Variants in SCHIP1 observed in about 807,000 individuals in gnomAD.
SCHIP1 encodes schwannomin interacting protein 1, also known as schwannomin-interacting protein 1.
SCHIP1 carries 8 observed loss-of-function variants against 29.7 expected under a neutral mutation model. The observed-to-expected ratio is 0.27, with a 90% CI of 0.16 to 0.49. The LOEUF (loss-of-function observed/expected upper bound fraction) is 0.49. Among genes scored for constraint, SCHIP1 ranks in the 20% least tolerant of loss-of-function variants. The pLI is 0.99. For synonymous variants in SCHIP1, 76 were observed against 94.9 expected, an observed-to-expected ratio of 0.80 and a Z score of 1.16; for missense variants, 193 against 294.6, an observed-to-expected ratio of 0.66 and a Z score of 2.52.
chr3:159,602,893 G>T, the SCHIP1 span, among the ~76,000 whole-genome samples: 2 of 152,120 alleles, frequency 1.3e-5, no homozygotes, highest in Non-Finnish European at 2.9e-5. Flanking sequence ...CACTTCCACA[G>T]ATACCACCTG....
chr3:159,736,524 A>T, the SCHIP1 span, among the ~76,000 whole-genome samples: 1 of 152,152 alleles, frequency 6.6e-6, no homozygotes, highest in African/African-American at 2.4e-5. Flanking sequence ...TTTCAGATGT[A>T]ATTCATTCAT....
the SCHIP1 span, among the ~76,000 whole-genome samples, chr3:159,677,574 A>G: frequency 1.3e-5 from 2 of 152,352 alleles, 1 homozygote; most frequent in South Asian, 4.1e-4. Flanking sequence ...TTAAGAGGAC[A>G]GATGATTTTA....
the SCHIP1 span, among the ~76,000 whole-genome samples, chr3:159,315,355 T>C: frequency 4.6e-5 from 7 of 150,816 alleles, no homozygotes; most frequent in African/African-American, 1.2e-4. Flanking sequence ...CCCACCACTA[T>C]GCCCGGCTAA....
At chr3:159,752,770 C>A in the SCHIP1 span, among the ~76,000 whole-genome samples, 9 of 152,138 alleles carry the variant, frequency 5.9e-5, no homozygotes, top group African/African-American at 2.2e-4. Flanking sequence ...GCAGGCCTCA[C>A]CTCCAAAGCT....
the SCHIP1 span, among the ~76,000 whole-genome samples, chr3:159,432,286 A>ATGTGTG: frequency 1.8e-4 from 19 of 108,158 alleles, no homozygotes; most frequent in East Asian, 2.1e-3. Flanking sequence ...AGAGTAGGTG[A>ATGTGTG]TGTGTGTGTG....
chr3:159,788,107 C>T, the SCHIP1 span, among the ~76,000 whole-genome samples: 1 of 152,170 alleles, frequency 6.6e-6, no homozygotes, highest in African/African-American at 2.4e-5. Context: ...GGAGACTAAG[C>T]TCTGCTGCTG....
At chr3:159,611,259 G>A in the SCHIP1 span, among the ~76,000 whole-genome samples, 1 of 152,110 alleles carries the variant, frequency 6.6e-6, no homozygotes, top group African/African-American at 2.4e-5. Context: ...CAGTTCTTAT[G>A]AATGTCAGAG....
chr3:159,283,487 T>G, the SCHIP1 span, among the ~76,000 whole-genome samples: 2 of 151,544 alleles, frequency 1.3e-5, no homozygotes, highest in Admixed American at 6.6e-5. Flanking sequence ...TGATTGTTCC[T>G]ATGTACATGG....
rs1717237412 is a variant in SCHIP1 at position 159,889,085 on chromosome 3, C to T, written c.589+142C>T. On this transcript the variant is annotated intron_variant, in intron 5 of 6. Coordinates refer to ENST00000445224, the Ensembl canonical transcript of SCHIP1. Reference sequence around the variant, plus strand: ...AGGAAAATAAGAGAATCACAAGGCTCTTTTTTGTTGCTGTTGTTTTAGCTG... The same window carrying T: ...AGGAAAATAAGAGAATCACAAGGCTTTTTTTTGTTGCTGTTGTTTTAGCTG... 1.5e-5 allele frequency: 18 copies of T among 1,203,502 alleles called. No homozygotes were observed. The South Asian group carries it at 3.2e-4, about 21-fold the overall frequency. 74.6% of individuals were successfully genotyped at this position (1,203,502 alleles called of 1,614,324 possible).
chr3:159,423,163 A>G, the SCHIP1 span, among the ~76,000 whole-genome samples: 27 of 152,326 alleles, frequency 1.8e-4, no homozygotes, highest in Middle Eastern at 3.4e-3. Context: ...TTTCCATCTG[A>G]GGTACCGGGT....
the SCHIP1 span, among the ~76,000 whole-genome samples, chr3:159,374,572 A>G: frequency 6.6e-6 from 1 of 152,218 alleles, no homozygotes; most frequent in Non-Finnish European, 1.5e-5. Flanking sequence ...ATGAGACATG[A>G]CAAAATCAAT....
chr3:159,407,465 T>C, the SCHIP1 span, among the ~76,000 whole-genome samples: 2 of 152,184 alleles, frequency 1.3e-5, 1 homozygote, highest in African/African-American at 4.8e-5. Context: ...CTTTCAGCAT[T>C]GGACAGATCA....
At chr3:159,453,417 C>A in the SCHIP1 span, among the ~76,000 whole-genome samples, 2 of 152,158 alleles carry the variant, frequency 1.3e-5, no homozygotes, top group Non-Finnish European at 2.9e-5. Context: ...CCATCACCAT[C>A]GGCAGTTGGT....
At chr3:159,775,246 A>G in the SCHIP1 span, among the ~76,000 whole-genome samples, 1 of 152,250 alleles carries the variant, frequency 6.6e-6, no homozygotes. Flanking sequence ...TTTACAAAGT[A>G]TTACAAAAAG....
chr3:159,672,514 A>C, the SCHIP1 span, among the ~76,000 whole-genome samples: 1 of 152,168 alleles, frequency 6.6e-6, no homozygotes, highest in Non-Finnish European at 1.5e-5. Context: ...ATGAGTAATG[A>C]TTCTTAACTG....
chr3:159,285,601 T>C, the SCHIP1 span, among the ~76,000 whole-genome samples: 1 of 152,268 alleles, frequency 6.6e-6, no homozygotes, highest in South Asian at 2.1e-4. Context: ...TTTTTGTTTC[T>C]CATATCAATT....
the SCHIP1 span, among the ~76,000 whole-genome samples, chr3:159,414,244 G>A: frequency 6.6e-6 from 1 of 152,138 alleles, no homozygotes; most frequent in Admixed American, 6.6e-5. Flanking sequence ...GCTAATATAG[G>A]GAAGGGAGAG....
intron 5 of SCHIP1, among the ~76,000 whole-genome samples, chr3:159,890,539 G>A (rs950151646): frequency 3.9e-5 from 6 of 152,016 alleles, no homozygotes; most frequent in Non-Finnish European, 7.4e-5. Context: ...TTAAGAGAAA[G>A]GGTCAAACAT....
At chr3:159,509,963 A>G in the SCHIP1 span, among the ~76,000 whole-genome samples, 41 of 152,172 alleles carry the variant, frequency 2.7e-4, no homozygotes, top group East Asian at 7.2e-3. Context: ...TGCTCTTCTC[A>G]AGGAGTATCT....
Sources: allele counts gnomAD v4.1 joint callset (sites outside exome capture counted in the v4.1 genomes callset), GRCh38; gene constraint gnomAD v4.1.1; transcripts MANE v1.5; gene names NCBI Gene and HGNC (gene_info 2026-07-23, HGNC 2026-07-21).